Variants in GRIP1 observed in about 807,000 individuals in gnomAD.
GRIP1 encodes glutamate receptor-interacting protein 1.
GRIP1 carries 45 observed loss-of-function variants against 129.9 expected under a neutral mutation model. The ratio of observed to expected loss-of-function variants is 0.35; its 90% CI spans 0.27 to 0.44. GRIP1 has a LOEUF of 0.44. Among genes scored for constraint, GRIP1 ranks in the 20% least tolerant of loss-of-function variants. The pLI is 1.00. For synonymous variants in GRIP1, 530 were observed against 520.8 expected (o/e 1.02, Z -0.24); for missense variants, 1,196 against 1,396.8 (o/e 0.86, Z 2.29).
intron 11 of GRIP1, among the ~76,000 whole-genome samples, chr12:66,446,587 T>G (rs78265340): frequency 0.016 from 2,377 of 152,322 alleles, 62 homozygotes; most frequent in African/African-American, 0.054. Flanking sequence ...TACTTATTTC[T>G]GCTCTGTCTC....
At chr12:66,427,405 C>T (rs1320804498) in intron 14 of GRIP1, among the ~76,000 whole-genome samples, 1 of 151,900 alleles carries the variant, frequency 6.6e-6, no homozygotes, top group Non-Finnish European at 1.5e-5. Flanking sequence ...GAGCACCACC[C>T]CCCAAACATA....
chr12:66,644,798 T>C (rs1417736603), intron 1 of GRIP1, among the ~76,000 whole-genome samples: 1 of 152,226 alleles, frequency 6.6e-6, no homozygotes, highest in Non-Finnish European at 1.5e-5. Flanking sequence ...TCATCTATTT[T>C]AATTTTGCAT....
intron 1 of GRIP1, among the ~76,000 whole-genome samples, chr12:66,754,184 G>A (rs1338602778): frequency 1.3e-5 from 2 of 152,066 alleles, no homozygotes; most frequent in African/African-American, 4.8e-5. Flanking sequence ...TTTTGACAAA[G>A]GAATATAGAC....
In GRIP1 at chr12:66,747,603, G is replaced by C. The variant is rs573308879; in HGVS notation, c.-420+56450C>G. ...GAAAATGGGCACAATAGCACACAAA[G>C]TAAGAAAAGCTTATTTGGGGATGAG... On this transcript the variant is annotated intron_variant, in intron 1 of 4. Coordinates refer to the GRIP1 transcript ENST00000538373. 2.0e-5 allele frequency among the ~76,000 whole-genome samples: 3 copies of C among 152,276 alleles called. No individual in the cohort carries two copies. The South Asian group carries it at 6.2e-4, about 32-fold the overall frequency.
chr12:66,704,532 T>C (rs1487916397), intron 1 of GRIP1, among the ~76,000 whole-genome samples: 2 of 152,158 alleles, frequency 1.3e-5, no homozygotes, highest in South Asian at 2.1e-4. Context: ...AAAAACTCTT[T>C]AGTATCACAA....
intron 13 of GRIP1, among the ~76,000 whole-genome samples, chr12:66,434,314 G>A (rs1565733676): frequency 6.6e-6 from 1 of 152,118 alleles, no homozygotes; most frequent in African/African-American, 2.4e-5. Context: ...CTTCAGAGGG[G>A]AGTGAGGCAA....
At chr12:66,940,183 C>T (rs960555187) in intron 1 of GRIP1, among the ~76,000 whole-genome samples, 1 of 151,716 alleles carries the variant, frequency 6.6e-6, no homozygotes, top group Non-Finnish European at 1.5e-5. Flanking sequence ...GAGCTCATGC[C>T]GGCAAGAGGC....
intron 1 of GRIP1, among the ~76,000 whole-genome samples, chr12:66,921,095 T>C (rs2041205668): frequency 6.6e-6 from 1 of 152,186 alleles, no homozygotes; most frequent in African/African-American, 2.4e-5. Context: ...CGTGAACCAT[T>C]GTTACCAGTC....
intron 1 of GRIP1, among the ~76,000 whole-genome samples, chr12:66,891,125 G>T (rs150840413): frequency 2.8e-4 from 43 of 152,314 alleles, no homozygotes; most frequent in African/African-American, 9.9e-4. Flanking sequence ...AAAGTGAAAA[G>T]ATCTCAAAGC....
At chr12:66,732,344 G>C (rs1255875258) in intron 1 of GRIP1, among the ~76,000 whole-genome samples, 1 of 152,100 alleles carries the variant, frequency 6.6e-6, no homozygotes, top group Non-Finnish European at 1.5e-5. Flanking sequence ...TTAAGGACAG[G>C]AGTTCAAGAC....
rs114674431 is a variant in GRIP1, at chr12:67,023,144, T to C, written c.58+45906A>G. On this transcript the variant is annotated intron_variant, in intron 1 of 1. Transcript: ENST00000643019. Reference sequence around the variant, plus strand: ...CATTTTTAGTGTTGAGAAAGTCTAATTCATTAATTTGTGTGTGTTTAGATT... The same window carrying C: ...CATTTTTAGTGTTGAGAAAGTCTAACTCATTAATTTGTGTGTGTTTAGATT... Among the ~76,000 whole-genome samples, 664 of 152,326 alleles carry C rather than the reference T, an allele frequency of 4.4e-3. 8 individuals are homozygous for C. Among genetic ancestry groups the C allele is most frequent in the African/African-American group, 0.015 (614 of 41,578 alleles).
chr12:66,631,826 A>G (rs997856970), intron 1 of GRIP1, among the ~76,000 whole-genome samples: 14 of 152,254 alleles, frequency 9.2e-5, no homozygotes, highest in Admixed American at 7.8e-4. Flanking sequence ...TGACAGAACT[A>G]GAGCAGAACA....
At chr12:66,613,725 T>G (rs546640897) in intron 1 of GRIP1, among the ~76,000 whole-genome samples, 2 of 152,284 alleles carry the variant, frequency 1.3e-5, no homozygotes, top group East Asian at 3.9e-4. Context: ...GAGTTCTGTT[T>G]GGAGAGCTGG....
At chr12:66,410,284 A>C (rs1449722700) in intron 15 of GRIP1, among the ~76,000 whole-genome samples, 3 of 147,430 alleles carry the variant, frequency 2.0e-5, no homozygotes, top group African/African-American at 7.5e-5. Flanking sequence ...AGAGATAATT[A>C]GTAAGCTTGG....
At chr12:66,355,065 G>A (rs373114176) in intron 23 of GRIP1, among the ~76,000 whole-genome samples, 2 of 152,074 alleles carry the variant, frequency 1.3e-5, no homozygotes, top group African/African-American at 4.8e-5. Context: ...TGCACCTCTC[G>A]GCCTCACCAC....
chr12:66,423,580 C>T (rs983614209), intron 14 of GRIP1, among the ~76,000 whole-genome samples: 3 of 152,118 alleles, frequency 2.0e-5, no homozygotes, highest in Non-Finnish European at 4.4e-5. Flanking sequence ...CAGAACCATT[C>T]GTTTATTTAG....
chr12:66,356,099 T>C (rs1168357), intron 23 of GRIP1, among the ~76,000 whole-genome samples: 76,447 of 151,980 alleles, frequency 0.5, 19,769 homozygotes, highest in East Asian at 0.58. Flanking sequence ...GGCCGGCCTA[T>C]CTGTGGGCTG....
chr12:66,355,855 A>G (rs1425217513), intron 23 of GRIP1, among the ~76,000 whole-genome samples: 1 of 152,164 alleles, frequency 6.6e-6, no homozygotes, highest in Admixed American at 6.5e-5. Flanking sequence ...CCTGCACCTT[A>G]TGAGGCTGAG....
intron 1 of GRIP1, among the ~76,000 whole-genome samples, chr12:66,906,321 C>T: frequency 6.6e-6 from 1 of 151,996 alleles, no homozygotes. Flanking sequence ...GTAGTCCCAG[C>T]TACTTGGGAG....
Sources: allele counts gnomAD v4.1 joint callset (sites outside exome capture counted in the v4.1 genomes callset), GRCh38; gene constraint gnomAD v4.1.1; transcripts MANE v1.5; gene names NCBI Gene and HGNC (gene_info 2026-07-23, HGNC 2026-07-21).